Variants in RASSF3 observed in about 807,000 individuals in gnomAD.
RASSF3 encodes ras association domain-containing protein 3.
A neutral mutation model predicts 19.9 loss-of-function variants in RASSF3; 19 were observed. That is an observed-to-expected ratio of 0.96 (90% confidence interval 0.67 to 1.40). The LOEUF (loss-of-function observed/expected upper bound fraction) is 1.40. Among genes scored for constraint, RASSF3 ranks in the 40% most tolerant of loss-of-function variants. The pLI, the probability that RASSF3 is intolerant of heterozygous loss-of-function variation, is 0.00. For missense variants in RASSF3, 306 were observed against 289.8 expected (o/e 1.06, Z -0.41); for synonymous variants, 110 against 104.2 (o/e 1.06, Z -0.34).
chr12:64,510,946 C>T (rs1011161272), intron 1 of RASSF3, among the ~76,000 whole-genome samples: 2 of 152,142 alleles, frequency 1.3e-5, no homozygotes, highest in African/African-American at 4.8e-5. Flanking sequence ...CAGAGTCAGA[C>T]CTGGCTTGTG....
downstream of RASSF3, among the ~76,000 whole-genome samples, chr12:64,543,471 C>CTGCCCGCCTGCCCCCCCG (rs1868988395): frequency 1.1e-5 from 1 of 91,218 alleles, no homozygotes. Context: ...TCCCCACCCG[C>CTGCCCGCCTGCCCCCCCG]CTGCCCACCC....
chr12:64,629,961 C>CAAAAAAAAAAAAAAAAAAAAAAAA (rs34700817), intron 1 of RASSF3: 2 of 59,316 alleles, frequency 3.4e-5, no homozygotes, highest in East Asian at 3.4e-4. Context: ...GACTCCATCT[C>CAAAAAAAAAAAAAAAAAAAAAAAA]AAAAAAAAAA....
intron 2 of RASSF3, among the ~76,000 whole-genome samples, chr12:64,588,002 C>T (rs1289256069): frequency 2.0e-5 from 3 of 152,128 alleles, no homozygotes; most frequent in East Asian, 3.8e-4. Context: ...CAGGAAAGAG[C>T]GAGTTATTCC....
At chr12:64,524,567 C>T (rs186038576) in intron 1 of RASSF3, among the ~76,000 whole-genome samples, 1 of 152,166 alleles carries the variant, frequency 6.6e-6, no homozygotes, top group East Asian at 1.9e-4. Context: ...TACAACACAC[C>T]CCCAGAAGAA....
rs1592417336 is a variant in RASSF3, at chr12:64,610,610, C to T, written c.-23C>T. The T allele has an allele frequency of 1.4e-6, 2 of 1,468,592 alleles. No individual in the cohort carries two copies. The highest frequency in any genetic ancestry group is 1.3e-5 in the South Asian group (1 of 74,946). The allele number at this position is 1,468,592 out of a possible 1,614,324, so 91.0% of individuals were successfully genotyped here. A position where few individuals can be genotyped will look rare whatever the true frequency, so the allele number is the denominator to read the frequency against. ...GCCGCCTGCGCCCCGGGGAGGCCGC[C>T]CGCGCGCGACGGGACCGGCAGCATG... On this transcript the variant is annotated 5_prime_UTR_variant, in exon 1 of 5. Coordinates refer to ENST00000542104, the MANE Select transcript of RASSF3 (RefSeq NM_178169.4).
Position 64,670,238 on chromosome 12 carries a change from GC to G in RASSF3, c.112-14545del, listed in dbSNP as rs749232486. ...TAAAGCTATTTATTTGGGGGTGGCT[GC>G]CCCAGGAGCAGCACATCAAAGTGGT... On this transcript the variant is annotated intron_variant, in intron 1 of 4. Transcript: ENST00000542104. Among the ~76,000 whole-genome samples, 15 of 152,192 alleles carry G rather than the reference GC, an allele frequency of 9.9e-5. No individual in the cohort carries two copies. The East Asian group carries it at 2.7e-3, about 27-fold the overall frequency.
In RASSF3 at chr12:64,579,082, G is replaced by A. The variant is rs557933305; in HGVS notation, c.294+37377G>A. Reference sequence around the variant, plus strand: ...GCAGAGGTTGCAGTGAGCCGAGATTGAGCCGTTGCACTCCAGCCTGGGCAA... The same window carrying A: ...GCAGAGGTTGCAGTGAGCCGAGATTAAGCCGTTGCACTCCAGCCTGGGCAA... On this transcript the variant is annotated intron_variant, in intron 2 of 5. Transcript: ENST00000637125. 1.6e-4 allele frequency among the ~76,000 whole-genome samples: 24 copies of A among 151,480 alleles called. No homozygotes were observed. In the South Asian group the frequency reaches 4.4e-3, roughly 28 times the overall value.
At chr12:64,672,462 A>C (rs373285343) in intron 1 of RASSF3, among the ~76,000 whole-genome samples, 65 of 152,150 alleles carry the variant, frequency 4.3e-4, no homozygotes, top group African/African-American at 1.5e-3. Flanking sequence ...CTAACCTCAG[A>C]TGTTCCACCC....
intron 1 of RASSF3, chr12:64,654,761 A>T (rs1872097448): frequency 1.3e-5 from 2 of 151,938 alleles, no homozygotes; most frequent in Admixed American, 1.3e-4. Flanking sequence ...GCTACTCAGG[A>T]GGCCTTGGCA....
At chr12:64,554,060 G>C (rs564691842) in intron 2 of RASSF3, among the ~76,000 whole-genome samples, 1 of 151,282 alleles carries the variant, frequency 6.6e-6, no homozygotes, top group African/African-American at 2.4e-5. Flanking sequence ...GAATGCATTT[G>C]TCTCCCTGTA....
chr12:64,681,183 G>A (rs1028984114), intron 1 of RASSF3, among the ~76,000 whole-genome samples: 2 of 152,188 alleles, frequency 1.3e-5, no homozygotes, highest in African/African-American at 2.4e-5. Context: ...GAATTCTCAC[G>A]TGAGTGGTAG....
Position 64,667,764 on chromosome 12 carries a change from C to T in RASSF3, c.112-17023C>T, listed in dbSNP as rs76664816. On this transcript the variant is annotated intron_variant, in intron 1 of 4. Transcript: ENST00000542104. ...CTGCTATGCAGAACATGGCTTATCT[C>T]TGCGGGCAAGTGGCCTTCCTGAGGC... Among the ~76,000 whole-genome samples the T allele has an allele frequency of 1.7e-3, 253 of 152,304 alleles. 1 individual carries two copies. The highest frequency in any genetic ancestry group is 5.9e-3 in the African/African-American group (247 of 41,554).
At chr12:64,684,708 G>A in intron 1 of RASSF3, 79 bp from the exon 2 acceptor site, 1 of 899,972 alleles carries the variant, frequency 1.1e-6, no homozygotes, top group Non-Finnish European at 1.8e-6. Flanking sequence ...TGGGATTACA[G>A]GCGTGAGCCA....
In RASSF3 at chr12:64,610,740, A is replaced by G. The variant is rs77813527; in HGVS notation, c.108A>G (p.Gln36=). The change falls in exon 1 of 5, where the codon CAA becomes CAG. Residue 36 remains glutamine, a synonymous_variant. Transcript: ENST00000542104. ...RAPQGKPRSG[Q]QDVEKEKETH... Reference sequence around the variant, plus strand: ...CCCAGGGCAAGCCCCGCTCCGGCCAACAAGTGAGTGGCGCGCGGCGGGCGC... The same window carrying G: ...CCCAGGGCAAGCCCCGCTCCGGCCAGCAAGTGAGTGGCGCGCGGCGGGCGC... The G allele has an allele frequency of 0.19, 299,977 of 1,580,376 alleles. 30,134 individuals carry two copies. The highest frequency in any genetic ancestry group is 0.21 in the Non-Finnish European group (240,169 of 1,163,674).
At chr12:64,640,668 G>A (rs1871483507) in intron 1 of RASSF3, among the ~76,000 whole-genome samples, 1 of 151,894 alleles carries the variant, frequency 6.6e-6, no homozygotes, top group Admixed American at 6.6e-5. Context: ...TTTGAGACAG[G>A]GTCTCACTCT....
chr12:64,576,018 T>C (rs1386462070), intron 2 of RASSF3, among the ~76,000 whole-genome samples: 1 of 152,010 alleles, frequency 6.6e-6, no homozygotes, highest in East Asian at 1.9e-4. Context: ...GCCTCCCAAG[T>C]AGCTGGGATT....
intron 1 of RASSF3, among the ~76,000 whole-genome samples, chr12:64,630,275 C>T (rs1204243207): frequency 1.3e-5 from 2 of 152,124 alleles, no homozygotes; most frequent in South Asian, 2.1e-4. Context: ...CCTGTAATCC[C>T]AGCACTTTGG....
At chr12:64,662,019 C>T (rs1450064720) in intron 1 of RASSF3, among the ~76,000 whole-genome samples, 1 of 150,998 alleles carries the variant, frequency 6.6e-6, no homozygotes, top group Non-Finnish European at 1.5e-5. Context: ...TATTAAGCAC[C>T]AGCTGTGTGC....
chr12:64,532,126 G>A (rs1868721390), upstream of RASSF3, among the ~76,000 whole-genome samples: 1 of 152,188 alleles, frequency 6.6e-6, no homozygotes, highest in Non-Finnish European at 1.5e-5. Context: ...GGGAGAGAGC[G>A]CTTCGAAAGA....
Sources: allele counts gnomAD v4.1 joint callset (sites outside exome capture counted in the v4.1 genomes callset), GRCh38; gene constraint gnomAD v4.1.1; transcripts MANE v1.5; gene names NCBI Gene and HGNC (gene_info 2026-07-23, HGNC 2026-07-21).